The following USP43 variants were observed in gnomAD, a reference collection of about 807,000 sequenced individuals.
USP43 encodes ubiquitin specific peptidase 43.
In USP43, 33 loss-of-function variants were observed where a neutral mutation model predicts 90.7. The observed-to-expected ratio is 0.36, with a 90% CI of 0.28 to 0.49. The LOEUF is 0.49. USP43 is among the 20% of genes least tolerant of loss of function. USP43 has a pLI of 0.98. For missense variants in USP43, 1,274 were observed against 1,476.4 expected (o/e 0.86, Z 2.25); for synonymous variants, 598 against 615.8 (o/e 0.97, Z 0.43).
chr17:9,686,031 A>C lies in USP43; in HGVS notation c.1242-767A>C, dbSNP rs1371324637. Among the ~76,000 whole-genome samples, 1 of 152,140 alleles carries C rather than the reference A, an allele frequency of 6.6e-6. No individual in the cohort carries two copies. Among genetic ancestry groups the C allele is most frequent in the African/African-American group, 2.4e-5 (1 of 41,418 alleles). On this transcript the variant is annotated intron_variant, in intron 7 of 14. Transcript: ENST00000285199. This position sits in a 1 kb window ranked among gnomAD's most constrained non-coding sequence, Gnocchi z 5.5. ...ACTTCTGTGACATTAACTTTTTTAG[A>C]TTCCACATGAGGGAGTACATGCAGT...
rs562825184 is a variant in USP43 at position 9,672,104 on chromosome 17, C to T, written c.741-2787C>T. On this transcript the variant is annotated intron_variant, in intron 3 of 14. Coordinates refer to ENST00000285199, the MANE Select transcript of USP43 (RefSeq NM_153210.5). ...CTCCGCCTCCCGGGTGCAAGCGATTCTTCTGCCTCAACTTCCCAAGTAGCT... is the reference window on the plus strand; with the variant it reads ...CTCCGCCTCCCGGGTGCAAGCGATTTTTCTGCCTCAACTTCCCAAGTAGCT... 2.0e-5 allele frequency among the ~76,000 whole-genome samples: 3 copies of T among 152,260 alleles called. No homozygotes were observed. In the South Asian group the frequency reaches 6.2e-4, roughly 32 times the overall value.
At chr17:9,665,325 A>G (rs1454024061) in intron 2 of USP43, among the ~76,000 whole-genome samples, 1 of 152,176 alleles carries the variant, frequency 6.6e-6, no homozygotes, top group African/African-American at 2.4e-5. Context: ...GAGACTGGGT[A>G]ACTTACAAAA....
In USP43 at chr17:9,709,170, C is replaced by T. The variant is rs1244186946; in HGVS notation, c.2012-786C>T. On this transcript the variant is annotated intron_variant, in intron 12 of 14. Transcript: ENST00000285199. This position sits in a 1 kb window ranked among gnomAD's most constrained non-coding sequence, Gnocchi z 5.0. Reference sequence around the variant, plus strand: ...GGAAACGGATATTTTGTTGTCGTTACTTGAGAAATGGTGAGAATATTTATG... The same window carrying T: ...GGAAACGGATATTTTGTTGTCGTTATTTGAGAAATGGTGAGAATATTTATG... Among the ~76,000 whole-genome samples, 1 of 152,154 alleles carries T rather than the reference C, an allele frequency of 6.6e-6. No individual in the cohort carries two copies. Among genetic ancestry groups the T allele is most frequent in the African/African-American group, 2.4e-5 (1 of 41,428 alleles).
intron 14 of USP43, among the ~76,000 whole-genome samples, chr17:9,723,338 C>T (rs1013142966): frequency 6.6e-6 from 1 of 151,968 alleles, no homozygotes; most frequent in Non-Finnish European, 1.5e-5. Flanking sequence ...CTTGGGGGTG[C>T]CTTTTGTTCT....
chr17:9,654,839 G>A (rs1288359913), intron 1 of USP43, among the ~76,000 whole-genome samples: 1 of 151,720 alleles, frequency 6.6e-6, no homozygotes, highest in African/African-American at 2.4e-5. Context: ...CCGGGTTCAA[G>A]CGATTCTCCT....
At chr17:9,705,376 A>G (rs1915811803) in intron 12 of USP43, among the ~76,000 whole-genome samples, 3 of 151,170 alleles carry the variant, frequency 2.0e-5, no homozygotes, top group Admixed American at 6.6e-5. Flanking sequence ...CTTCTTTTAT[A>G]AATGTAAATG....
intron 8 of USP43, among the ~76,000 whole-genome samples, chr17:9,688,958 G>A (rs1914763297): frequency 6.6e-6 from 1 of 152,198 alleles, no homozygotes; most frequent in Non-Finnish European, 1.5e-5. Flanking sequence ...CAAAGTGTTG[G>A]GATTACAGGT....
Position 9,729,291 on chromosome 17 carries a change from T to A in USP43, c.*301T>A, listed in dbSNP as rs1917462487. The A allele has an allele frequency of 4.6e-6, 1 of 215,228 alleles. No homozygotes were observed. Among genetic ancestry groups the A allele is most frequent in the Non-Finnish European group, 9.0e-6 (1 of 110,900 alleles). 13.3% of individuals were successfully genotyped at this position (215,228 alleles called of 1,614,324 possible). On this transcript the variant is annotated 3_prime_UTR_variant, in exon 15 of 15. Coordinates refer to ENST00000285199, the MANE Select transcript of USP43 (RefSeq NM_153210.5). ...CAAGAACTGATATTTACTAAAGAGT[T>A]TTGGATGTGGGCAAACAAGATGAGG...
intron 12 of USP43, among the ~76,000 whole-genome samples, chr17:9,702,318 C>T (rs1915621974): frequency 6.6e-6 from 1 of 152,176 alleles, no homozygotes; most frequent in South Asian, 2.1e-4. Flanking sequence ...CCACTGTACT[C>T]CAGCCTGGGC....
At chr17:9,646,652 CAG>C (rs1292508669) in intron 1 of USP43, among the ~76,000 whole-genome samples, 1 of 152,086 alleles carries the variant, frequency 6.6e-6, no homozygotes, top group Non-Finnish European at 1.5e-5. Flanking sequence ...GTGCTGGAGA[CAG>C]GGAAAGAAAA....
chr17:9,697,455 T>C (rs561787536), intron 9 of USP43, among the ~76,000 whole-genome samples: 59 of 152,168 alleles, frequency 3.9e-4, no homozygotes, highest in African/African-American at 1.4e-3. Context: ...TAGTACTCAA[T>C]AAGTAGCTTT....
Position 9,728,417 on chromosome 17 carries a change from C to T in USP43, c.2799C>T (p.Leu933=). 4 of 1,610,514 alleles carry T rather than the reference C, an allele frequency of 2.5e-6. No homozygotes were observed. The South Asian group carries it at 4.4e-5, about 18-fold the overall frequency. The change falls in exon 15 of 15, where the codon CTC becomes CTT. Residue 933 remains leucine, a synonymous_variant. Coordinates refer to ENST00000285199, the MANE Select transcript of USP43 (RefSeq NM_153210.5). This position sits in a 1 kb window ranked among gnomAD's most constrained non-coding sequence, Gnocchi z 6.2. ...TTCCCAGAAAGTTTGACCTGCCTCT[C>T]ACTGTGATGCCTTCAGTGGAGCATG... ...IKLPRKFDLP[L]TVMPSVEHEK... is the part of the protein sequence containing the mutation.
At chr17:9,707,100 A>T (rs979054157) in intron 12 of USP43, among the ~76,000 whole-genome samples, 2 of 152,170 alleles carry the variant, frequency 1.3e-5, no homozygotes, top group African/African-American at 4.8e-5. Context: ...GCCATTTTAC[A>T]TATCAAAATA....
intron 12 of USP43, among the ~76,000 whole-genome samples, chr17:9,702,453 C>T (rs968087675): frequency 6.6e-6 from 1 of 152,208 alleles, no homozygotes; most frequent in Non-Finnish European, 1.5e-5. Flanking sequence ...CATTCATTCT[C>T]ATCTGTGATT....
At chr17:9,712,224 G>T in intron 14 of USP43, 92 bp downstream of exon 14, 1 of 1,379,034 alleles carries the variant, frequency 7.3e-7, no homozygotes, top group African/African-American at 1.5e-5. Flanking sequence ...TCGTAGTCTT[G>T]AATGGAAAGG....
At chr17:9,667,045 C>G (rs756136468) in intron 3 of USP43, among the ~76,000 whole-genome samples, 11 of 152,144 alleles carry the variant, frequency 7.2e-5, no homozygotes, top group African/African-American at 7.2e-5. Flanking sequence ...CACTAGCAAG[C>G]AGTCACTCTG....
At chr17:9,660,657 C>A (rs1266184545) in intron 2 of USP43, among the ~76,000 whole-genome samples, 2 of 152,294 alleles carry the variant, frequency 1.3e-5, no homozygotes, top group South Asian at 2.1e-4. Flanking sequence ...CAGGGCCCAG[C>A]CTGATTCCAG....
At chr17:9,663,243 C>A (rs1284587506) in intron 2 of USP43, among the ~76,000 whole-genome samples, 1 of 151,600 alleles carries the variant, frequency 6.6e-6, no homozygotes, top group South Asian at 2.1e-4. Flanking sequence ...CTTTTTTAGC[C>A]GGATCAGAGC....
chr17:9,699,349 C>G (rs756632660), intron 9 of USP43, among the ~76,000 whole-genome samples: 3 of 152,200 alleles, frequency 2.0e-5, no homozygotes, highest in African/African-American at 7.2e-5. Context: ...CCTTGTTCCT[C>G]ACTCCCTCCT....
Sources: gnomAD v4.1 joint callset for allele counts (sites outside exome capture counted in the v4.1 genomes callset) on GRCh38, gnomAD v4.1.1 for gene constraint, Gnocchi (gnomAD v3.1) non-coding constraint, MANE v1.5 for transcripts, NCBI Gene and HGNC (gene_info 2026-07-23, HGNC 2026-07-21) for gene names.